Variants in DOCK4 observed in about 807,000 individuals in gnomAD.
DOCK4 encodes the protein dedicator of cytokinesis protein 4.
A neutral mutation model predicts 268.1 loss-of-function variants in DOCK4; 97 were observed. The observed-to-expected ratio is 0.36, with a 90% confidence interval of 0.31 to 0.43. The LOEUF (loss-of-function observed/expected upper bound fraction) is 0.43, where lower values mean the gene tolerates loss of function less well. DOCK4 is among the 20% of genes least tolerant of loss of function. The probability of loss-of-function intolerance (pLI) is 1.00; values close to 1 mark genes in which losing one functional copy is unlikely to be tolerated. For missense variants in DOCK4, 2,145 were observed against 2,455.7 expected, an observed-to-expected ratio of 0.87 and a Z score of 2.67; for synonymous variants, 954 against 887.2, an observed-to-expected ratio of 1.08 and a Z score of -1.34.
intron 16 of DOCK4, among the ~76,000 whole-genome samples, chr7:111,887,845 TG>T (rs1807979515): frequency 6.7e-6 from 1 of 149,896 alleles, no homozygotes; most frequent in Non-Finnish European, 1.5e-5. Flanking sequence ...GAGAGGACAT[TG>T]GGAGGGGCAG....
At chr7:112,033,370 A>G (rs1803455693) in intron 1 of DOCK4, among the ~76,000 whole-genome samples, 1 of 152,196 alleles carries the variant, frequency 6.6e-6, no homozygotes. Context: ...ACCCCACCAC[A>G]AAAAGCAAAA....
In DOCK4 at chr7:111,767,068, C is replaced by G. The variant is rs779292271; in HGVS notation, c.3879G>C (p.Glu1293Asp). 1.7e-5 allele frequency: 27 copies of G among 1,613,684 alleles called. No individual in the cohort carries two copies. The highest frequency in any genetic ancestry group is 5.3e-5 in the African/African-American group (4 of 74,880). ...ILCRKIAEQYESYYDYRNLSK... is the reference protein window; with the variant it reads ...ILCRKIAEQYDSYYDYRNLSK... ...TCAGGTTTCTGTAGTCATAATAACT[C>G]TCATACTGCTCTGCAATCTTCCGGC... The change falls in exon 38 of 53, where the codon GAG (glutamate) becomes GAC (aspartate). Residue 1293 changes from glutamate (E) to aspartate (D), a missense_variant. By Grantham distance (45) the Glu-to-Asp change is conservative. Transcript: ENST00000428084.
At chr7:111,922,617 T>C (rs953730918) in intron 12 of DOCK4, among the ~76,000 whole-genome samples, 4 of 152,174 alleles carry the variant, frequency 2.6e-5, no homozygotes, top group African/African-American at 4.8e-5. Context: ...AGTCTTACTC[T>C]GTCGCCCAGG....
chr7:112,173,461 TC>T (rs1448507539), intron 1 of DOCK4, among the ~76,000 whole-genome samples: 1 of 152,122 alleles, frequency 6.6e-6, no homozygotes, highest in Non-Finnish European at 1.5e-5. Context: ...TTACCCTGGT[TC>T]CCTAAGGAAT....
chr7:112,099,541 A>G (rs1810483726), intron 1 of DOCK4, among the ~76,000 whole-genome samples: 1 of 152,224 alleles, frequency 6.6e-6, no homozygotes, highest in Non-Finnish European at 1.5e-5. Context: ...GAGGTCAGGA[A>G]GGGTAACAGT....
chr7:112,191,056 C>G (rs750007891), intron 1 of DOCK4, among the ~76,000 whole-genome samples: 9 of 152,170 alleles, frequency 5.9e-5, no homozygotes, highest in African/African-American at 7.2e-5. Flanking sequence ...TCTAGGCATC[C>G]CTGTTACTGC....
chr7:112,187,770 GGTCA>G (rs1315883731), intron 1 of DOCK4, among the ~76,000 whole-genome samples: 3 of 152,094 alleles, frequency 2.0e-5, no homozygotes, highest in African/African-American at 7.2e-5. Context: ...TGCACAGTAT[GGTCA>G]GTGAGTGCTA....
intron 42 of DOCK4, among the ~76,000 whole-genome samples, chr7:111,753,014 G>GGTC (rs1796789212): frequency 7.3e-6 from 1 of 137,190 alleles, no homozygotes; most frequent in African/African-American, 2.6e-5. Context: ...TTGGGGGGGG[G>GGTC]GTCTGTGATT....
chr7:111,764,798 AGT>A (rs1016366163), intron 39 of DOCK4, among the ~76,000 whole-genome samples: 1 of 152,066 alleles, frequency 6.6e-6, no homozygotes, highest in Admixed American at 6.6e-5. Flanking sequence ...AGCCTCCTGC[AGT>A]GCCCCACCAT....
In DOCK4 at chr7:112,055,883, C is replaced by T. The variant is rs184788489; in HGVS notation, c.38-51752G>A. Among the ~76,000 whole-genome samples, 21 of 151,538 alleles carry T rather than the reference C, an allele frequency of 1.4e-4. No homozygotes were observed. In the East Asian group the frequency reaches 3.9e-3, roughly 28 times the overall value. ...AGATTATGCCACTGCACGTCTCCAG[C>T]CTGAGTGACAGAAGGAGATTCTGTC... On this transcript the variant is annotated intron_variant, in intron 1 of 52. Coordinates refer to ENST00000428084, the MANE Select transcript of DOCK4 (RefSeq NM_001363540.2).
At chr7:112,059,325 G>A (rs1284752696) in intron 1 of DOCK4, among the ~76,000 whole-genome samples, 3 of 151,670 alleles carry the variant, frequency 2.0e-5, no homozygotes, top group Non-Finnish European at 1.5e-5. Context: ...TGTATTTTTA[G>A]TAGAGACAGA....
At chr7:112,029,138 T>C (rs928241427) in intron 1 of DOCK4, among the ~76,000 whole-genome samples, 1 of 152,236 alleles carries the variant, frequency 6.6e-6, no homozygotes, top group Admixed American at 6.5e-5. Flanking sequence ...GCTCATTCCT[T>C]GGTTCTGTGC....
intron 1 of DOCK4, among the ~76,000 whole-genome samples, chr7:112,013,201 C>G (rs1218625993): frequency 6.6e-6 from 1 of 152,028 alleles, no homozygotes; most frequent in Non-Finnish European, 1.5e-5. Context: ...ATTCTTTTTT[C>G]CAATGTGGAT....
At chr7:111,739,762 TGACTTCCAGCCTAG>T (rs1795772141) in intron 47 of DOCK4, 6 of 421,540 alleles carry the variant, frequency 1.4e-5, no homozygotes, top group Non-Finnish European at 2.2e-5. Context: ...ATAAGTAGAA[TGACTTCCAGCCTAG>T]GGCCCAAAAA....
chr7:111,953,989 T>C (rs1796257751), intron 8 of DOCK4, among the ~76,000 whole-genome samples: 1 of 152,234 alleles, frequency 6.6e-6, no homozygotes, highest in South Asian at 2.1e-4. Flanking sequence ...GAAGACACTA[T>C]ATAAGCTGGA....
chr7:112,130,612 T>A (rs186317396), intron 1 of DOCK4, among the ~76,000 whole-genome samples: 85 of 152,290 alleles, frequency 5.6e-4, no homozygotes, highest in African/African-American at 1.9e-3. Context: ...ACACAAATTA[T>A]AAAGGAATCT....
At chr7:112,109,794 G>A (rs1334752121) in intron 1 of DOCK4, among the ~76,000 whole-genome samples, 1 of 146,520 alleles carries the variant, frequency 6.8e-6, no homozygotes, top group Non-Finnish European at 1.5e-5. Flanking sequence ...GCCCAGGCTG[G>A]AGTGCAGTGG....
At chr7:112,037,054 G>A (rs376917643) in intron 1 of DOCK4, among the ~76,000 whole-genome samples, 60 of 152,302 alleles carry the variant, frequency 3.9e-4, no homozygotes, top group African/African-American at 1.3e-3. Context: ...TCCCAAGCTA[G>A]TGATATATGG....
chr7:112,076,527 C>A (rs1303729568), intron 1 of DOCK4, among the ~76,000 whole-genome samples: 2 of 151,992 alleles, frequency 1.3e-5, no homozygotes, highest in Non-Finnish European at 2.9e-5. Flanking sequence ...TATGGAATTC[C>A]ACCCTAAGGC....
Sources: gnomAD v4.1 joint callset for allele counts (sites outside exome capture counted in the v4.1 genomes callset) on GRCh38, gnomAD v4.1.1 for gene constraint, MANE v1.5 for transcripts, NCBI Gene and HGNC (gene_info 2026-07-23, HGNC 2026-07-21) for gene names.